Variants in SBF1 observed in about 807,000 individuals in gnomAD.
SBF1 encodes myotubularin-related protein 5.
A neutral mutation model predicts 215.8 loss-of-function variants in SBF1; 65 were observed. That is an observed-to-expected ratio of 0.30 (90% CI 0.25 to 0.37). The LOEUF (loss-of-function observed/expected upper bound fraction) is 0.37, where lower values mean the gene tolerates loss of function less well. Among genes scored for constraint, SBF1 ranks in the 10% least tolerant of loss-of-function variants. The probability of loss-of-function intolerance (pLI) is 1.00; values close to 1 mark genes in which losing one functional copy is unlikely to be tolerated. For synonymous variants in SBF1, 1,410 were observed against 1,122.8 expected, an observed-to-expected ratio of 1.26 and a Z score of -5.11; for missense variants, 2,634 against 2,667.8, an observed-to-expected ratio of 0.99 and a Z score of 0.28.
At chr22:50,468,935 G>A (rs2067894801) in intron 1 of SBF1, among the ~76,000 whole-genome samples, 1 of 152,128 alleles carries the variant, frequency 6.6e-6, no homozygotes, top group African/African-American at 2.4e-5. Flanking sequence ...GGTTCAAGAA[G>A]CCTCAGCCCC....
rs1569508376 is a variant in SBF1, at chr22:50,448,383, TAC to T, written c.5211_5212del (p.Tyr1738ProfsTer20). 6.2e-7 allele frequency: 1 copy of T among 1,613,844 alleles called. No homozygotes were observed. On this transcript the variant is annotated frameshift_variant, in exon 38 of 41. Transcript: ENST00000380817. LOFTEE classifies it high-confidence loss of function. ...GGAGCCCACGGGCCCCTCCTGCAGG[TAC>T]ACACCCAGCGAGCGACGGTGGTGGG...
chr22:50,450,047 C>T (rs186053532), intron 36 of SBF1, among the ~76,000 whole-genome samples: 5 of 152,312 alleles, frequency 3.3e-5, no homozygotes, highest in African/African-American at 7.2e-5. Context: ...GAGGCAGAGA[C>T]GGGACGTCCA....
At position 50,461,255 on chromosome 22, in the gene SBF1, C is replaced by T. The variant is rs757816344; in HGVS notation, c.2871G>A (p.Pro957=). The T allele has an allele frequency of 1.6e-5, 26 of 1,611,914 alleles. No individual in the cohort carries two copies. The highest frequency in any genetic ancestry group is 6.7e-5 in the African/African-American group (5 of 74,794). ...GCTTCTCCTTGGTCAGCGCAGCCAC[C>T]GGGAAGGAGCGGACCACCACCTGCT... ...VGEQVVVRSF[P]VAALTKEKRI... is the part of the protein sequence containing the mutation. Residue 957 remains proline (P), a synonymous_variant, in exon 23 of 41, where the codon CCG becomes CCA. Coordinates refer to ENST00000380817, the MANE Select transcript of SBF1 (RefSeq NM_002972.4).
chr22:50,460,384 C>G lies in SBF1; in HGVS notation c.3171G>C (p.Lys1057Asn). The G allele has an allele frequency of 1.2e-6, 2 of 1,612,808 alleles. No individual in the cohort carries two copies. Among genetic ancestry groups the G allele is most frequent in the Non-Finnish European group, 1.7e-6 (2 of 1,179,218 alleles). The change falls in exon 25 of 41, where the codon AAG (lysine) becomes AAC (asparagine). Residue 1057 changes from lysine to asparagine, a missense_variant. By Grantham distance (94) the Lys-to-Asn change is moderately conservative. Coordinates refer to ENST00000380817, the MANE Select transcript of SBF1 (RefSeq NM_002972.4). The stretch of plus-strand genomic sequence containing the variant: ...GCCGCCCGATGGTCTTCTTGGCGTT[C>G]TTGACCAGGTTCCGGGACAGGGTTC... ...SLRTLSRNLVKNAKKTIGRQH... is the reference protein window; with the variant it reads ...SLRTLSRNLVNNAKKTIGRQH...
chr22:50,456,038 C>T (rs1296980487), intron 31 of SBF1, 178 bp downstream of exon 31: 2 of 682,066 alleles, frequency 2.9e-6, no homozygotes, highest in Non-Finnish European at 4.8e-6. Flanking sequence ...CTGGCCCCAG[C>T]CAGGCCCAGC....
Position 50,454,680 on chromosome 22 carries a change from C to A in SBF1, c.4875G>T (p.Thr1625=). 6.4e-7 allele frequency: 1 copy of A among 1,573,898 alleles called. No homozygotes were observed. Among genetic ancestry groups the A allele is most frequent in the Middle Eastern group, 1.8e-4 (1 of 5,534 alleles). ...LKVWDFYTEE[T]LAEGPPYDWE... ...AGTCATAGGGAGGGCCCTCGGCCAG[C>A]GTCTCCTCAGTGTAGAAGTCCCACA... The change falls in exon 36 of 41, where the codon ACG becomes ACT. Residue 1625 remains threonine, a synonymous_variant. Transcript: ENST00000380817.
chr22:50,473,505 G>A lies in SBF1; in HGVS notation c.55+1281C>T, dbSNP rs113890478. On this transcript the variant is annotated intron_variant, in intron 1 of 40. Transcript: ENST00000380817. ...AAGAAAAAGACAGATGCTCATGACTGACGGTGCCATAAGACACACACTTGG... is the reference window on the plus strand; with the variant it reads ...AAGAAAAAGACAGATGCTCATGACTAACGGTGCCATAAGACACACACTTGG... 8.3e-3 allele frequency among the ~76,000 whole-genome samples: 1,267 copies of A among 152,308 alleles called. 20 individuals carry two copies. The highest frequency in any genetic ancestry group is 0.029 in the African/African-American group (1,190 of 41,554).
chr22:50,449,873 G>A (rs1367012034), intron 36 of SBF1, among the ~76,000 whole-genome samples: 3 of 152,202 alleles, frequency 2.0e-5, no homozygotes, highest in African/African-American at 7.2e-5. Flanking sequence ...TGGACAAGAA[G>A]GGGAAGCCGT....
rs533059186 is a variant in SBF1, at chr22:50,456,612, G to C, written c.3966C>G (p.Ser1322=). Residue 1322 remains serine (S), a synonymous_variant, in exon 30 of 41, where the codon TCC becomes TCG. Transcript: ENST00000380817. The stretch of plus-strand genomic sequence containing the variant: ...CCAGCGCGTCTCTGCCAGCTAGCCG[G>C]GAGCCCACATCGGTGCCAAGGCCAC... ...RSSGLGTDVG[S]RLAGRDALAP... 5.2e-6 allele frequency: 8 copies of C among 1,525,596 alleles called. No homozygotes were observed. In the East Asian group the frequency reaches 1.6e-4, roughly 31 times the overall value. 94.5% of individuals were successfully genotyped at this position (1,525,596 alleles called of 1,614,324 possible).
rs1212948318 is a variant in SBF1 at position 50,464,695 on chromosome 22, G to C, written c.1475C>G (p.Pro492Arg). Residue 492 changes from proline to arginine, a missense_variant, in exon 14 of 41, where the codon CCC becomes CGC. Transcript: ENST00000380817. ...PAVAMHKVQRPGESSHLRRVP... is the reference protein window; with the variant it reads ...PAVAMHKVQRRGESSHLRRVP... ...CCGTCGCAGGTGGCTGCTCTCACCG[G>C]GCCTCTGTACCTTGTGCATCGCCAC... The C allele has an allele frequency of 6.2e-7, 1 of 1,607,782 alleles. No homozygotes were observed.
At position 50,456,595 on chromosome 22, in the gene SBF1, T is replaced by C. The variant is rs1229443133; in HGVS notation, c.3983A>G (p.Asp1328Gly). The C allele has an allele frequency of 6.5e-7, 1 of 1,539,008 alleles. No homozygotes were observed. Among genetic ancestry groups the C allele is most frequent in the Admixed American group, 2.0e-5 (1 of 49,074 alleles). ...GTTGGCCTGGGGTGGGGCCAGCGCG[T>C]CTCTGCCAGCTAGCCGGGAGCCCAC... ...TDVGSRLAGRDALAPPQANGG... is the reference protein window; with the variant it reads ...TDVGSRLAGRGALAPPQANGG... Residue 1328 changes from aspartate to glycine, a missense_variant, in exon 30 of 41, where the codon GAC (aspartate) becomes GGC (glycine). Coordinates refer to ENST00000380817, the MANE Select transcript of SBF1 (RefSeq NM_002972.4).
At chr22:50,457,373 TC>T in intron 28 of SBF1, 1 of 408,926 alleles carries the variant, frequency 2.4e-6, no homozygotes, top group East Asian at 3.7e-5. Flanking sequence ...CTCTAACACT[TC>T]CTTTCTTCCC....
At position 50,467,790 on chromosome 22, in the gene SBF1, G is replaced by A; in HGVS notation, c.275C>T (p.Ser92Leu). The change falls in exon 3 of 41, where the codon TCA becomes TTA. Residue 92 changes from serine to leucine, a missense_variant. By Grantham distance (145) the Ser-to-Leu change is moderately radical. Coordinates refer to ENST00000380817, the MANE Select transcript of SBF1 (RefSeq NM_002972.4). ...CLTFWEPAEPSQETTRVEDAT... is the reference protein window; with the variant it reads ...CLTFWEPAEPLQETTRVEDAT... The stretch of plus-strand genomic sequence containing the variant: ...ACCCAGAGGCCCCAAGCTGACCTGT[G>A]AAGGCTCCGCTGGCTCCCAGAAGGT... The A allele has an allele frequency of 6.2e-7, 1 of 1,613,926 alleles. No homozygotes were observed. The highest frequency in any genetic ancestry group is 8.5e-7 in the Non-Finnish European group (1 of 1,179,966).
intron 22 of SBF1, 45 bp from the exon 23 acceptor site, chr22:50,461,331 G>GC: frequency 6.4e-7 from 1 of 1,565,698 alleles, no homozygotes; most frequent in Non-Finnish European, 8.7e-7. Context: ...AGGTAAGGGG[G>GC]GGGGGGTCCC....
At position 50,460,670 on chromosome 22, in the gene SBF1, C is replaced by T. The variant is rs767810845; in HGVS notation, c.3010G>A (p.Ala1004Thr). The T allele has an allele frequency of 6.8e-6, 11 of 1,613,870 alleles. No individual in the cohort carries two copies. Among genetic ancestry groups the T allele is most frequent in the Middle Eastern group, 1.7e-4 (1 of 5,958 alleles). The change falls in exon 24 of 41, where the codon GCC becomes ACC. Residue 1004 changes from alanine to threonine, a missense_variant. By Grantham distance (58) the Ala-to-Thr change is moderately conservative. Coordinates refer to ENST00000380817, the MANE Select transcript of SBF1 (RefSeq NM_002972.4). ...TGCAGCTGCTTACGGAAGAGCTCGG[C>T]GCTGTCAGACCCCACCTCCTCGTCA... Reference protein sequence around the residue: ...AFDEEVGSDSAELFRKQLHKL... With the variant: ...AFDEEVGSDSTELFRKQLHKL...
At chr22:50,467,299 C>T in intron 5 of SBF1, 39 bp downstream of exon 5, 1 of 1,546,212 alleles carries the variant, frequency 6.5e-7, no homozygotes. Flanking sequence ...AGCAGGAGGG[C>T]CTGTGGCTGT....
intron 1 of SBF1, 57 bp from the exon 2 acceptor site, chr22:50,468,518 C>T: frequency 1.9e-6 from 2 of 1,079,616 alleles, no homozygotes; most frequent in Non-Finnish European, 2.5e-6. Flanking sequence ...CACCAGGAGG[C>T]TTGAGGATCC....
At chr22:50,461,485 G>A (rs1302968004) in intron 22 of SBF1, 38 bp downstream of exon 22, 13 of 1,557,270 alleles carry the variant, frequency 8.3e-6, no homozygotes, top group South Asian at 1.2e-5. Flanking sequence ...AGACCTGGGG[G>A]AGAGGGGGCG....
chr22:50,464,492 G>A (rs1435039703), intron 14 of SBF1, 42 bp downstream of exon 14: 1 of 1,601,676 alleles, frequency 6.2e-7, no homozygotes, highest in Admixed American at 1.7e-5. Context: ...CGCCCATCCT[G>A]GGCCACGCTC....
Sources: gnomAD v4.1 joint callset for allele counts (sites outside exome capture counted in the v4.1 genomes callset) on GRCh38, gnomAD v4.1.1 for gene constraint, MANE v1.5 for transcripts, NCBI Gene and HGNC (gene_info 2026-07-23, HGNC 2026-07-21) for gene names.